LRCH3: variants seen among roughly 807,000 people sequenced by gnomAD.
The protein encoded by LRCH3 is leucine rich repeats and calponin homology domain containing 3, also known as DISP complex protein LRCH3.
Under a neutral mutation model 104.5 loss-of-function variants are expected in LRCH3, and 68 were observed. The observed-to-expected ratio is 0.65, with a 90% confidence interval of 0.54 to 0.80. LRCH3 has a LOEUF of 0.80. Ranked by LOEUF, LRCH3 falls within the 30% of genes least tolerant of loss-of-function variation. The pLI is 0.00. For missense variants in LRCH3, 951 were observed against 953.9 expected, an observed-to-expected ratio of 1.00 and a Z score of 0.04; for synonymous variants, 344 against 361.3, an observed-to-expected ratio of 0.95 and a Z score of 0.54.
intron 20 of LRCH3, chr3:197,880,836 A>G: frequency 6.8e-7 from 1 of 1,481,132 alleles, no homozygotes; most frequent in Non-Finnish European, 8.9e-7. Flanking sequence ...GAGCTAACCC[A>G]TAAAGGAGGT....
chr3:197,797,114 T>C (rs190059674), intron 1 of LRCH3, among the ~76,000 whole-genome samples: 3 of 147,912 alleles, frequency 2.0e-5, no homozygotes, highest in Admixed American at 1.3e-4. Flanking sequence ...GATCACCCGA[T>C]GTCAGGAGTT....
In LRCH3 at chr3:197,884,859, C is replaced by G. The variant is rs551459890; in HGVS notation, c.*1193C>G. On this transcript the variant is annotated 3_prime_UTR_variant, in exon 21 of 21. Transcript: ENST00000425562. ...AACTCCTGGGCTCAACTGATCCTCC[C>G]GCCTCAGCCTCCCAAAGTGCTGGGA... is the stretch of plus-strand genomic sequence containing the variant. The G allele has an allele frequency of 3.3e-5, 5 of 151,612 alleles. No homozygotes were observed. Among genetic ancestry groups the G allele is most frequent in the Non-Finnish European group, 7.4e-5 (5 of 67,922 alleles). 9.4% of individuals were successfully genotyped at this position (151,612 alleles called of 1,614,324 possible). A position where few individuals can be genotyped will look rare whatever the true frequency, so the allele number is the denominator to read the frequency against.
intron 20 of LRCH3, among the ~76,000 whole-genome samples, chr3:197,879,466 G>GA (rs1462322242): frequency 6.6e-6 from 1 of 150,994 alleles, no homozygotes; most frequent in Non-Finnish European, 1.5e-5. Flanking sequence ...CTAACATGGT[G>GA]AAACCCCGTC....
intron 19 of LRCH3, among the ~76,000 whole-genome samples, chr3:197,874,358 C>T (rs935694397): frequency 2.0e-5 from 3 of 152,128 alleles, no homozygotes; most frequent in Admixed American, 1.3e-4. Context: ...ACTGCGCATG[C>T]GAGGAAGGGA....
rs501101 is a variant in LRCH3, at chr3:197,830,764, C to T, written c.888-6C>T. On this transcript the variant is annotated splice_region_variant and splice_polypyrimidine_tract_variant and intron_variant, in intron 6 of 20. Coordinates refer to ENST00000425562, the MANE Select transcript of LRCH3 (RefSeq NM_001365715.1). ...ACTTTGCAGTAACAGAGTCTCTTTT[C>T]GGCAGCCATGAAGAACTGTACTCAA... The T allele has an allele frequency of 0.8, 1,294,851 of 1,608,620 alleles. 524,488 individuals carry two copies. The highest frequency in any genetic ancestry group is 0.91 in the East Asian group (40,816 of 44,820).
At position 197,886,181 on chromosome 3, in the gene LRCH3, TA is replaced by T. The variant is rs61062610; in HGVS notation, c.*2533del. On this transcript the variant is annotated 3_prime_UTR_variant, in exon 21 of 21. Transcript: ENST00000425562. ...TAGCAAGACCCTGTCTCCCAAAAAT[TA>T]AAAAAAAAAAAAAAAAACCAGGTGT... 19,022 of 126,118 alleles carry T rather than the reference TA, an allele frequency of 0.15. 1,611 individuals are homozygous for T. The highest frequency in any genetic ancestry group is 0.28 in the African/African-American group (9,755 of 35,342). The allele number at this position is 126,118 out of a possible 1,614,324, so 7.8% of individuals were successfully genotyped here.
intron 13 of LRCH3, among the ~76,000 whole-genome samples, 163 bp downstream of exon 13, chr3:197,852,783 T>C (rs1277030302): frequency 6.6e-6 from 1 of 152,088 alleles, no homozygotes; most frequent in East Asian, 1.9e-4. Flanking sequence ...AGCCAAGGAG[T>C]TTACTAGAAT....
chr3:197,801,047 A>G (rs1378010187), intron 1 of LRCH3, among the ~76,000 whole-genome samples: 1 of 151,562 alleles, frequency 6.6e-6, no homozygotes, highest in African/African-American at 2.4e-5. Context: ...GTGAGCTGAG[A>G]TCACACCACA....
intron 4 of LRCH3, among the ~76,000 whole-genome samples, chr3:197,826,390 C>T (rs1735208766): frequency 6.6e-6 from 1 of 152,158 alleles, no homozygotes; most frequent in East Asian, 1.9e-4. Context: ...CCATTTTTAG[C>T]TGGCAACTCC....
intron 19 of LRCH3, among the ~76,000 whole-genome samples, chr3:197,872,393 C>A (rs980549937): frequency 6.9e-6 from 1 of 145,652 alleles, no homozygotes; most frequent in Non-Finnish European, 1.5e-5. Context: ...AATGATGAAT[C>A]TAGGTGCTAA....
intron 5 of LRCH3, among the ~76,000 whole-genome samples, chr3:197,828,977 G>A (rs1735583144): frequency 6.6e-6 from 1 of 152,074 alleles, no homozygotes; most frequent in African/African-American, 2.4e-5. Flanking sequence ...CCAAAGTGCT[G>A]CAATTACAGG....
intron 10 of LRCH3, among the ~76,000 whole-genome samples, chr3:197,846,407 A>C (rs1738719800): frequency 6.6e-6 from 1 of 150,798 alleles, no homozygotes; most frequent in Non-Finnish European, 1.5e-5. Context: ...AAAACAAAAA[A>C]AAAACGGCTG....
chr3:197,881,480 C>T, intron 20 of LRCH3: 1 of 985,466 alleles, frequency 1.0e-6, no homozygotes, highest in Non-Finnish European at 1.2e-6. Context: ...TTATGTGTGA[C>T]TGAGGTTCAC....
intron 6 of LRCH3, among the ~76,000 whole-genome samples, chr3:197,829,890 A>G (rs1477208083): frequency 1.3e-5 from 2 of 152,174 alleles, no homozygotes; most frequent in Non-Finnish European, 2.9e-5. Flanking sequence ...TTTAGATCAG[A>G]TAATTCTTTG....
chr3:197,816,385 A>G (rs1733800880), intron 2 of LRCH3, among the ~76,000 whole-genome samples: 1 of 151,954 alleles, frequency 6.6e-6, no homozygotes, highest in African/African-American at 2.4e-5. Context: ...GGTTCAAGCC[A>G]TTCTCCTGCC....
intron 15 of LRCH3, among the ~76,000 whole-genome samples, chr3:197,863,423 C>G (rs962751113): frequency 3.9e-5 from 6 of 151,928 alleles, no homozygotes; most frequent in South Asian, 2.1e-4. Context: ...ACCATGCCCA[C>G]CTAATTTTTG....
intron 13 of LRCH3, among the ~76,000 whole-genome samples, chr3:197,853,540 C>T (rs529765634): frequency 3.7e-4 from 57 of 152,202 alleles, no homozygotes; most frequent in African/African-American, 1.3e-3. Flanking sequence ...TGCATAAAAG[C>T]GTTGTTTCAT....
In LRCH3 at chr3:197,845,015, T is replaced by G. The variant is rs1738435457; in HGVS notation, c.1329-2394T>G. Among the ~76,000 whole-genome samples the G allele has an allele frequency of 3.3e-5, 5 of 152,204 alleles. No homozygotes were observed. The South Asian group carries it at 8.3e-4, about 25-fold the overall frequency. On this transcript the variant is annotated intron_variant, in intron 10 of 20. Transcript: ENST00000425562. ...GACAGACTTGTGAGGTGAAAGAAAG[T>G]TTTAGTGAAACTGAAAGGACGGGAC...
chr3:197,854,427 T>C lies in LRCH3; in HGVS notation c.1626T>C (p.Asp542=), dbSNP rs773202118. 60 of 1,614,070 alleles carry C rather than the reference T, an allele frequency of 3.7e-5. No homozygotes were observed. In the Middle Eastern group the frequency reaches 4.9e-4, roughly 13 times the overall value. The change falls in exon 14 of 21, where the codon GAT becomes GAC. Residue 542 remains aspartate, a synonymous_variant. Transcript: ENST00000425562. The surrounding 1 kb of genome is among the most constrained non-coding windows in gnomAD (Gnocchi z 4.5). ...CATCCAGAAGGTCTCAGCACACTGA[T>C]GATAGTGCCTTGTGCATGGTAAGAG... is the stretch of plus-strand genomic sequence containing the variant. ...PFPSRRSQHT[D]DSALCMSLSG... is the part of the protein sequence containing the mutation.
Sources: gnomAD v4.1 joint callset for allele counts (sites outside exome capture counted in the v4.1 genomes callset) on GRCh38, gnomAD v4.1.1 for gene constraint, Gnocchi (gnomAD v3.1) non-coding constraint, MANE v1.5 for transcripts, NCBI Gene and HGNC (gene_info 2026-07-23, HGNC 2026-07-21) for gene names.